Variants in HUWE1 observed in about 807,000 individuals in gnomAD.
HUWE1 encodes HECT, UBA and WWE domain containing E3 ubiquitin protein ligase 1.
Under a neutral mutation model 299.4 loss-of-function variants are expected in HUWE1, and 18 were observed. The observed-to-expected ratio is 0.06, with a 90% confidence interval of 0.04 to 0.09. The LOEUF is 0.09. HUWE1 is among the 10% of genes least tolerant of loss of function. The pLI is 1.00. For synonymous variants in HUWE1, 1,317 were observed against 1,286.1 expected, an observed-to-expected ratio of 1.02 and a Z score of -0.51; for missense variants, 1,832 against 3,462.3, an observed-to-expected ratio of 0.53 and a Z score of 11.82.
chrX:53,627,326 GAATTTATGAGGAAGA>G, intron 17 of HUWE1, 69 bp downstream of exon 17: 1 of 615,704 alleles, frequency 1.6e-6, no homozygotes, highest in South Asian at 2.5e-5. Context: ...GTGTACTTTG[GAATTTATGAGGAAGA>G]ATGAAAACTG....
intron 78 of HUWE1, 175 bp downstream of exon 78, chrX:53,537,381 C>A: frequency 1.9e-6 from 1 of 528,792 alleles, no homozygotes; most frequent in East Asian, 3.7e-5. Flanking sequence ...GCCAGCAGGG[C>A]AGGCCCAGAA....
intron 34 of HUWE1, 38 bp from the exon 35 acceptor site, chrX:53,590,537 T>TCAAAA: frequency 9.7e-7 from 1 of 1,025,789 alleles, no homozygotes; most frequent in African/African-American, 1.8e-5. Context: ...GGATACACAC[T>TCAAAA]CAAAACAAAG....
chrX:53,612,373 A>AT (rs1430966516), intron 23 of HUWE1, among the ~76,000 whole-genome samples: 1 of 112,225 alleles, frequency 8.9e-6, no homozygotes, highest in African/African-American at 3.2e-5. Context: ...GAAGTTACAT[A>AT]TAACTATCAC....
At chrX:53,591,275 T>A (rs183642199) in intron 33 of HUWE1, among the ~76,000 whole-genome samples, 153 bp from the exon 34 acceptor site, 2 of 112,258 alleles carry the variant, frequency 1.8e-5, no homozygotes, top group African/African-American at 6.5e-5. Flanking sequence ...AAATGAACAA[T>A]CCTTTCTGTT....
At chrX:53,616,931 A>T (rs146396638) in intron 21 of HUWE1, 39 bp downstream of exon 21, 1 of 1,129,798 alleles carries the variant, frequency 8.9e-7, no homozygotes. Flanking sequence ...TTGCAAACTA[A>T]ATCAATTTTC....
At chrX:53,580,352 T>G (rs2063556286) in intron 43 of HUWE1, among the ~76,000 whole-genome samples, 1 of 112,345 alleles carries the variant, frequency 8.9e-6, no homozygotes, top group African/African-American at 3.2e-5. Flanking sequence ...TTTCATAACA[T>G]TAATATTTTT....
rs1556926716 is a variant in HUWE1 at position 53,549,498 on chromosome X, C to T, written c.9496G>A (p.Gly3166Ser). 8.3e-7 allele frequency: 1 copy of T among 1,202,969 alleles called. No homozygotes were observed. The highest frequency in any genetic ancestry group is 1.1e-6 in the Non-Finnish European group (1 of 893,448). ...GGSSSHNRPSGSNVDTLLRLR... is the reference protein window; with the variant it reads ...GGSSSHNRPSSSNVDTLLRLR... Reference sequence around the variant, plus strand: ...CGGAGGAGAGTATCTACATTACTGCCAGAAGGCCTGGAAACAGAACATGGT... The same window carrying T: ...CGGAGGAGAGTATCTACATTACTGCTAGAAGGCCTGGAAACAGAACATGGT... The change falls in exon 67 of 84, where the codon GGC becomes AGC. Residue 3166 changes from glycine (G) to serine (S), a missense_variant. By Grantham distance (56) the Gly-to-Ser change is moderately conservative. Around this residue, in one of 15 missense-constraint regions of HUWE1, gnomAD observed 91 missense variants for 281.2 expected, o/e 0.32. Coordinates refer to ENST00000262854, the MANE Select transcript of HUWE1 (RefSeq NM_031407.7).
chrX:53,575,560 C>T, intron 45 of HUWE1, 83 bp downstream of exon 45: 11 of 996,009 alleles, frequency 1.1e-5, no homozygotes, highest in Non-Finnish European at 1.4e-5. Context: ...CTTTGAAATT[C>T]CCCGGGGATA....
chrX:53,568,916 C>T, intron 48 of HUWE1, 42 bp from the exon 49 acceptor site: 1 of 1,096,843 alleles, frequency 9.1e-7, no homozygotes. Flanking sequence ...TGAATATAGC[C>T]ATTTCTCAGG....
intron 9 of HUWE1, 32 bp from the exon 10 acceptor site, chrX:53,631,646 G>A (rs781873269): frequency 1.9e-6 from 2 of 1,073,948 alleles, no homozygotes; most frequent in Non-Finnish European, 2.6e-6. Flanking sequence ...GAGCTGTAAG[G>A]AGTCACTGAA....
intron 43 of HUWE1, among the ~76,000 whole-genome samples, chrX:53,578,353 TGG>T (rs1171577774): frequency 7.4e-5 from 6 of 81,576 alleles, no homozygotes; most frequent in African/African-American, 3.0e-4. Context: ...GGGAGGGAGG[TGG>T]GGGGGGGTCA....
intron 7 of HUWE1, among the ~76,000 whole-genome samples, chrX:53,644,260 TCCC>T (rs2067817465): frequency 8.9e-6 from 1 of 112,468 alleles, no homozygotes; most frequent in Admixed American, 9.4e-5. Flanking sequence ...ATGCCTCAGC[TCCC>T]CCATTATGAC....
chrX:53,550,928 C>T lies in HUWE1; in HGVS notation c.9358G>A (p.Ala3120Thr), dbSNP rs2061742563. The change falls in exon 65 of 84, where the codon GCA (alanine) becomes ACA (threonine). Residue 3120 changes from alanine to threonine, a missense_variant. Transcript: ENST00000262854. ...ERLFGHSSTS[A>T]LSAILRSPAF... Reference sequence around the variant, plus strand: ...GGGCTTCGGAGAATAGCAGAGAGTGCGGAGGTGCTACTGTGCCCAAACAGA... The same window carrying T: ...GGGCTTCGGAGAATAGCAGAGAGTGTGGAGGTGCTACTGTGCCCAAACAGA... 8.3e-7 allele frequency: 1 copy of T among 1,211,683 alleles called. No homozygotes were observed. The highest frequency in any genetic ancestry group is 3.0e-5 in the East Asian group (1 of 33,837).
intron 7 of HUWE1, among the ~76,000 whole-genome samples, chrX:53,643,610 C>T (rs182654554): frequency 1.8e-5 from 2 of 111,653 alleles, no homozygotes; most frequent in African/African-American, 6.5e-5. Context: ...CCTCGGCCCC[C>T]CAAAGTGTTG....
At chrX:53,616,893 T>G in intron 21 of HUWE1, 77 bp downstream of exon 21, 3 of 865,666 alleles carry the variant, frequency 3.5e-6, no homozygotes, top group Non-Finnish European at 5.0e-6. Flanking sequence ...AGTAAAACGA[T>G]GAGAGAGATG....
intron 52 of HUWE1, 22 bp downstream of exon 52, chrX:53,563,724 T>C (rs2062399671): frequency 6.6e-6 from 8 of 1,203,463 alleles, no homozygotes; most frequent in Non-Finnish European, 9.0e-6. Flanking sequence ...GAAGAGGCTA[T>C]ACTCAGTTCT....
chrX:53,591,209 A>T, intron 33 of HUWE1, 87 bp from the exon 34 acceptor site: 1 of 1,005,675 alleles, frequency 9.9e-7, no homozygotes, highest in Non-Finnish European at 1.4e-6. Context: ...AGATGGAAAT[A>T]ACTTTTTCTA....
intron 23 of HUWE1, among the ~76,000 whole-genome samples, chrX:53,609,420 T>TAA (rs2065324091): frequency 8.9e-6 from 1 of 112,344 alleles, no homozygotes. Context: ...GCATCACGTT[T>TAA]AAAGTTATGG....
In HUWE1 at chrX:53,605,780, T is replaced by A. The variant is rs184234114; in HGVS notation, c.2497-946A>T. ...CTCTTTTTGATTTCTATTACAAAGTTACAGTGATCAAAACTGTGATACTGG... is the reference window on the plus strand; with the variant it reads ...CTCTTTTTGATTTCTATTACAAAGTAACAGTGATCAAAACTGTGATACTGG... On this transcript the variant is annotated intron_variant, in intron 25 of 83. Transcript: ENST00000262854. Among the ~76,000 whole-genome samples, 28 of 111,927 alleles carry A rather than the reference T, an allele frequency of 2.5e-4. 1 individual carries two copies. The highest frequency in any genetic ancestry group is 2.3e-3 in the Admixed American group (24 of 10,551).
Sources: allele counts gnomAD v4.1 joint callset (sites outside exome capture counted in the v4.1 genomes callset), GRCh38; gene constraint gnomAD v4.1.1; regional missense constraint gnomAD v4.1.1; transcripts MANE v1.5; gene names NCBI Gene and HGNC (gene_info 2026-07-23, HGNC 2026-07-21).